ZDHHC11: variants seen among roughly 807,000 people sequenced by gnomAD.
ZDHHC11 encodes palmitoyltransferase ZDHHC11.
ZDHHC11 carries 44 observed loss-of-function variants against 51.3 expected under a neutral mutation model. The ratio of observed to expected loss-of-function variants is 0.86; its 90% CI spans 0.67 to 1.10. The LOEUF is 1.10. Among genes scored for constraint, ZDHHC11 ranks in the 50% least tolerant of loss-of-function variants. The pLI is 0.00. For synonymous variants in ZDHHC11, 163 were observed against 222.0 expected (o/e 0.73, Z 2.36); for missense variants, 400 against 537.7 (o/e 0.74, Z 2.53).
chr5:804,673 G>C (rs1384859747), intron 11 of ZDHHC11, among the ~76,000 whole-genome samples: 1 of 151,212 alleles, frequency 6.6e-6, no homozygotes, highest in Non-Finnish European at 1.5e-5. Flanking sequence ...TAGAAACTAA[G>C]GAGGCTCAAA....
In ZDHHC11 at chr5:814,767, G is replaced by A. The variant is rs1740549972; in HGVS notation, c.1175C>T (p.Thr392Ile). ...QEADDAPSIS[T>I]LGLQQETTEP... Reference sequence around the variant, plus strand: ...GTTAAACTTACGAACTTACCCAAGTGTAGATATACTCGGGGCATCATCTGC... The same window carrying A: ...GTTAAACTTACGAACTTACCCAAGTATAGATATACTCGGGGCATCATCTGC... Residue 392 changes from threonine to isoleucine, a missense_variant, in exon 11 of 13, where the codon ACA becomes ATA. Thr to Ile is a moderately conservative substitution (Grantham distance 89). Around this residue, in one of 5 missense-constraint regions of ZDHHC11, gnomAD observed 231 missense variants for 227.4 expected, o/e 1.02. Coordinates refer to ENST00000283441, the MANE Select transcript of ZDHHC11 (RefSeq NM_024786.3). 2 of 1,561,446 alleles carry A rather than the reference G, an allele frequency of 1.3e-6. No individual in the cohort carries two copies. Among genetic ancestry groups the A allele is most frequent in the Non-Finnish European group, 1.7e-6 (2 of 1,154,280 alleles).
chr5:810,729 C>T (rs1444661604), intron 11 of ZDHHC11, among the ~76,000 whole-genome samples: 5 of 151,304 alleles, frequency 3.3e-5, no homozygotes, highest in African/African-American at 2.4e-5. Context: ...GGTAACTTAT[C>T]GCCTGTTGCA....
In ZDHHC11 at chr5:800,740, G is replaced by A. The variant is rs139942243; in HGVS notation, c.*7+360C>T. The stretch of plus-strand genomic sequence containing the variant: ...GTACGGTCAGAGGCATCTAATCAGA[G>A]ACCATCTTAAAATGGCAGGTGTTCA... On this transcript the variant is annotated intron_variant, in intron 12 of 12. Coordinates refer to ENST00000283441, the MANE Select transcript of ZDHHC11 (RefSeq NM_024786.3). Among the ~76,000 whole-genome samples, 210 of 151,494 alleles carry A rather than the reference G, an allele frequency of 1.4e-3. 11 individuals carry two copies. Among genetic ancestry groups the A allele is most frequent in the Non-Finnish European group, 1.3e-3 (85 of 67,744 alleles).
intron 3 of ZDHHC11, among the ~76,000 whole-genome samples, chr5:844,496 G>A (rs572592881): frequency 1.3e-5 from 2 of 152,418 alleles, no homozygotes; most frequent in East Asian, 3.8e-4. Context: ...ACCTGATGCA[G>A]ACAGGCCTCC....
At chr5:816,772 G>GTGGA (rs1579602619) in intron 10 of ZDHHC11, 1 of 492,776 alleles carries the variant, frequency 2.0e-6, no homozygotes, top group East Asian at 4.7e-5. Flanking sequence ...GCCTACAGGA[G>GTGGA]TGGATTCTGA....
At chr5:806,461 T>C (rs1355581565) in intron 11 of ZDHHC11, among the ~76,000 whole-genome samples, 1 of 141,558 alleles carries the variant, frequency 7.1e-6, no homozygotes, top group African/African-American at 2.9e-5. Flanking sequence ...TAGATGGCTA[T>C]CTTTTGGATA....
chr5:857,709 C>T (rs573849500), intron 1 of ZDHHC11, among the ~76,000 whole-genome samples: 1 of 149,514 alleles, frequency 6.7e-6, no homozygotes, highest in East Asian at 2.0e-4. Context: ...CTTTATGACA[C>T]CATGGTCCCC....
intron 8 of ZDHHC11, chr5:823,671 T>G (rs1741863698): frequency 5.2e-6 from 1 of 191,224 alleles, no homozygotes; most frequent in South Asian, 1.0e-4. Context: ...AGGATTGTCC[T>G]GGAGCCCACG....
In ZDHHC11 at chr5:850,910, G is replaced by T; in HGVS notation, c.-308C>A. On this transcript the variant is annotated 5_prime_UTR_variant, in exon 1 of 13. It adds an upstream start codon to the 5' untranslated region. Coordinates refer to ENST00000283441, the MANE Select transcript of ZDHHC11 (RefSeq NM_024786.3). The stretch of plus-strand genomic sequence containing the variant: ...CCAGTGCCCGCGCGACCGCCCATCA[G>T]TTCCCCTGAGGATTTGTTACGTTCT... 2.3e-6 allele frequency: 1 copy of T among 438,174 alleles called. No homozygotes were observed. Among genetic ancestry groups the T allele is most frequent in the South Asian group, 2.9e-5 (1 of 34,614 alleles). 27.1% of individuals were successfully genotyped at this position (438,174 alleles called of 1,614,324 possible).
At chr5:858,480 C>T (rs1424548265) in intron 1 of ZDHHC11, among the ~76,000 whole-genome samples, 1 of 152,218 alleles carries the variant, frequency 6.6e-6, no homozygotes, top group Non-Finnish European at 1.5e-5. Context: ...CATGGTCCCA[C>T]AGGTCTGTCC....
At chr5:827,328 C>T (rs1166553112) in intron 7 of ZDHHC11, among the ~76,000 whole-genome samples, 1 of 149,720 alleles carries the variant, frequency 6.7e-6, no homozygotes, top group Non-Finnish European at 1.5e-5. Flanking sequence ...AATTAAAAAA[C>T]CAAGGTATTC....
In ZDHHC11 at chr5:819,535, G is replaced by A. The variant is rs777693808; in HGVS notation, c.1136C>T (p.Ser379Leu). Residue 379 changes from serine to leucine, a missense_variant, in exon 10 of 13, where the codon TCG (serine) becomes TTG (leucine). Ser to Leu is a moderately radical substitution (Grantham distance 145, BLOSUM62 -2). Around this residue, in one of 5 missense-constraint regions of ZDHHC11, gnomAD observed 231 missense variants for 227.4 expected, o/e 1.02. Coordinates refer to ENST00000283441, the MANE Select transcript of ZDHHC11 (RefSeq NM_024786.3). ...GTGATTGCAACTTACCTGTGCCATCGAGCCCCCGTCTGGGTGTACACGAGT... is the reference window on the plus strand; with the variant it reads ...GTGATTGCAACTTACCTGTGCCATCAAGCCCCCGTCTGGGTGTACACGAGT... ...FSTRVHPDGG[S>L]MAQEADDAPS... 55 of 1,609,466 alleles carry A rather than the reference G, an allele frequency of 3.4e-5. No individual in the cohort carries two copies. The highest frequency in any genetic ancestry group is 3.3e-4 in the Middle Eastern group (2 of 6,080).
intron 12 of ZDHHC11, among the ~76,000 whole-genome samples, chr5:798,415 G>A (rs1198225337): frequency 3.3e-5 from 5 of 151,638 alleles, no homozygotes; most frequent in Admixed American, 6.7e-5. Flanking sequence ...ACGCGCACGC[G>A]TGCACACACA....
At chr5:855,459 A>C (rs1168923093), upstream of ZDHHC11, among the ~76,000 whole-genome samples, 3 of 146,518 alleles carry the variant, frequency 2.0e-5, no homozygotes, top group African/African-American at 7.7e-5. Flanking sequence ...CACAGACCCC[A>C]CAGAGGACAG....
chr5:835,421 G>A (rs183736805), intron 6 of ZDHHC11, among the ~76,000 whole-genome samples: 23 of 151,616 alleles, frequency 1.5e-4, no homozygotes, highest in African/African-American at 3.4e-4. Flanking sequence ...TGTCTCTGTC[G>A]GTGCCACACT....
intron 11 of ZDHHC11, among the ~76,000 whole-genome samples, chr5:809,453 G>C (rs1350824264): frequency 6.7e-6 from 1 of 149,236 alleles, no homozygotes; most frequent in Non-Finnish European, 1.5e-5. Flanking sequence ...AGTGCCTTCA[G>C]AACACGCATG....
At chr5:845,514 C>G (rs1473156832) in intron 3 of ZDHHC11, among the ~76,000 whole-genome samples, 2 of 152,164 alleles carry the variant, frequency 1.3e-5, no homozygotes, top group African/African-American at 4.8e-5. Context: ...CTGCAGAGTC[C>G]GAGGCCAGCG....
In ZDHHC11 at chr5:802,172, C is replaced by A. The variant is rs185360001; in HGVS notation, c.1182-1008G>T. The stretch of plus-strand genomic sequence containing the variant: ...CTGGGGGACTTGTAGGCTGAGCGGC[C>A]AGGCAGTGACTGCTGCTGCAAGACT... On this transcript the variant is annotated intron_variant, in intron 11 of 12. Coordinates refer to ENST00000283441, the MANE Select transcript of ZDHHC11 (RefSeq NM_024786.3). 5.6e-4 allele frequency among the ~76,000 whole-genome samples: 84 copies of A among 151,258 alleles called. 2 individuals are homozygous for A. The highest frequency in any genetic ancestry group is 3.7e-4 in the Non-Finnish European group (25 of 67,620).
rs1480240541 is a variant in ZDHHC11, at chr5:850,936, G to A, written c.-334C>T. ...TTCCCCTGAGGATTTGTTACGTTCTGGGGAGTGCTCGACAGCCCCCACACA... is the reference window on the plus strand; with the variant it reads ...TTCCCCTGAGGATTTGTTACGTTCTAGGGAGTGCTCGACAGCCCCCACACA... On this transcript the variant is annotated 5_prime_UTR_variant, in exon 1 of 13. Coordinates refer to ENST00000283441, the MANE Select transcript of ZDHHC11 (RefSeq NM_024786.3). 19 of 431,824 alleles carry A rather than the reference G, an allele frequency of 4.4e-5. No individual in the cohort carries two copies. Among genetic ancestry groups the A allele is most frequent in the Non-Finnish European group, 6.3e-5 (15 of 239,298 alleles). 26.7% of individuals were successfully genotyped at this position (431,824 alleles called of 1,614,324 possible). A position where few individuals can be genotyped will look rare whatever the true frequency, so the allele number is the denominator to read the frequency against.
Sources: allele counts gnomAD v4.1 joint callset (sites outside exome capture counted in the v4.1 genomes callset), GRCh38; gene constraint gnomAD v4.1.1; regional missense constraint gnomAD v4.1.1; transcripts MANE v1.5; gene names NCBI Gene and HGNC (gene_info 2026-07-23, HGNC 2026-07-21).